The following USP15 variants were observed in gnomAD, a reference collection of about 807,000 sequenced individuals.
USP15 encodes ubiquitin carboxyl-terminal hydrolase 15.
A neutral mutation model predicts 127.1 loss-of-function variants in USP15; 18 were observed. The observed-to-expected ratio is 0.14, with a 90% CI of 0.10 to 0.21. USP15 has a LOEUF of 0.21. Ranked by LOEUF, USP15 falls within the 10% of genes least tolerant of loss-of-function variation. The pLI, the probability that USP15 is intolerant of heterozygous loss-of-function variation, is 1.00. For missense variants in USP15, 805 were observed against 1,159.9 expected (o/e 0.69, Z 4.44); for synonymous variants, 364 against 393.7 (o/e 0.92, Z 0.89).
At chr12:62,340,519 G>A (rs1458519610) in intron 6 of USP15, among the ~76,000 whole-genome samples, 1 of 152,036 alleles carries the variant, frequency 6.6e-6, no homozygotes, top group Non-Finnish European at 1.5e-5. Context: ...TCTGATATGG[G>A]CATTTAGTGC....
rs778401345 is a variant in USP15, at chr12:62,391,002, T to A, written c.1960+23T>A. ...CAAGTAAGACTTTTCTGTTAAATTGTACAAATGTTTCACTTAGATAATTGC... is the reference window on the plus strand; with the variant it reads ...CAAGTAAGACTTTTCTGTTAAATTGAACAAATGTTTCACTTAGATAATTGC... On this transcript the variant is annotated intron_variant, in intron 15 of 21. Transcript: ENST00000280377. 4.4e-6 allele frequency: 7 copies of A among 1,591,686 alleles called. No individual in the cohort carries two copies. The Admixed American group carries it at 1.2e-4, about 28-fold the overall frequency.
intron 1 of USP15, among the ~76,000 whole-genome samples, chr12:62,271,324 G>A (rs2063340970): frequency 6.6e-6 from 1 of 151,948 alleles, no homozygotes; most frequent in Non-Finnish European, 1.5e-5. Context: ...AATATTCATG[G>A]AATGATAAAT....
chr12:62,300,414 T>C (rs1335767376), intron 2 of USP15, among the ~76,000 whole-genome samples: 2 of 152,138 alleles, frequency 1.3e-5, no homozygotes, highest in African/African-American at 4.8e-5. Flanking sequence ...GATAAGCTGA[T>C]CCAAAAATTC....
intron 2 of USP15, among the ~76,000 whole-genome samples, chr12:62,296,664 A>T (rs1043465667): frequency 1.4e-4 from 21 of 152,334 alleles, no homozygotes; most frequent in African/African-American, 5.1e-4. Context: ...CAGACTCTTT[A>T]TGAGAAACCC....
intron 6 of USP15, among the ~76,000 whole-genome samples, chr12:62,344,719 C>T (rs970000174): frequency 1.3e-5 from 2 of 152,168 alleles, no homozygotes; most frequent in African/African-American, 4.8e-5. Context: ...CAGGCGTTTC[C>T]ATACATCCTC....
chr12:62,302,884 C>T lies in USP15; in HGVS notation c.312C>T (p.Tyr104=), dbSNP rs1304660186. Residue 104 remains tyrosine (Y), a synonymous_variant, in exon 3 of 22, where the codon TAC becomes TAT. Transcript: ENST00000280377. ...TEGWNKLVSW[Y]TLMEGQEPIA... ...GTTGGAATAAACTTGTCAGCTGGTA[C>T]ACATTGATGGAAGGTCAAGAGCCAA... 5.0e-6 allele frequency: 8 copies of T among 1,612,580 alleles called. No individual in the cohort carries two copies. Among genetic ancestry groups the T allele is most frequent in the Admixed American group, 3.3e-5 (2 of 59,948 alleles).
At chr12:62,308,258 A>T (rs545859908) in intron 3 of USP15, among the ~76,000 whole-genome samples, 6 of 152,122 alleles carry the variant, frequency 3.9e-5, no homozygotes, top group African/African-American at 1.4e-4. Flanking sequence ...TGTATTTTGT[A>T]TTTTGGGGGA....
intron 9 of USP15, 30 bp downstream of exon 9, chr12:62,381,693 G>T: frequency 5.7e-6 from 9 of 1,590,238 alleles, no homozygotes; most frequent in Non-Finnish European, 7.7e-6. Context: ...TTTAGCAAGG[G>T]TACCTGCAAG....
chr12:62,282,118 A>G (rs917244742), intron 1 of USP15, among the ~76,000 whole-genome samples: 1 of 152,184 alleles, frequency 6.6e-6, no homozygotes, highest in Admixed American at 6.5e-5. Context: ...CCTTGAGCCC[A>G]GGAGCTTGAA....
At chr12:62,323,663 T>G (rs1445911143) in intron 5 of USP15, among the ~76,000 whole-genome samples, 1 of 152,168 alleles carries the variant, frequency 6.6e-6, no homozygotes, top group East Asian at 1.9e-4. Context: ...CCTCTCTCCT[T>G]GGTTTTCATC....
In USP15 at chr12:62,381,492, T is replaced by C; in HGVS notation, c.918T>C (p.Cys306=). The C allele has an allele frequency of 6.3e-7, 1 of 1,596,142 alleles. No individual in the cohort carries two copies. The highest frequency in any genetic ancestry group is 8.5e-7 in the Non-Finnish European group (1 of 1,170,978). The change falls in exon 9 of 22, where the codon TGT becomes TGC. Residue 306 remains cysteine (C), a splice_region_variant and synonymous_variant. Coordinates refer to ENST00000280377, the MANE Select transcript of USP15 (RefSeq NM_001252078.2). Reference sequence around the variant, plus strand: ...AAAATATATTTTATTTTTTGCAGTGTTTGAGCAACACACCTCCACTTACTG... The same window carrying C: ...AAAATATATTTTATTTTTTGCAGTGCTTGAGCAACACACCTCCACTTACTG... ...NTCFMNSAIQ[C]LSNTPPLTEY... is the part of the protein sequence containing the mutation.
At position 62,391,227 on chromosome 12, in the gene USP15, C is replaced by T. The variant is rs1375633348; in HGVS notation, c.2031C>T (p.Asn677=). The T allele has an allele frequency of 6.2e-7, 1 of 1,613,494 alleles. No homozygotes were observed. ...AAGAACTTCCCTCAGAGAATGAAAA[C>T]AGTCAGTCTGAAGATTCAGTTGGAG... ...QDQELPSENE[N]SQSEDSVGGD... Residue 677 remains asparagine, a synonymous_variant, in exon 16 of 22, where the codon AAC becomes AAT. Coordinates refer to ENST00000280377, the MANE Select transcript of USP15 (RefSeq NM_001252078.2).
intron 1 of USP15, among the ~76,000 whole-genome samples, chr12:62,268,555 C>A (rs1235615155): frequency 1.3e-5 from 2 of 152,048 alleles, no homozygotes; most frequent in Admixed American, 6.6e-5. Flanking sequence ...CCATTTCCTG[C>A]AAATTATTTG....
At position 62,408,211 on chromosome 12, in the gene USP15, ATT is replaced by A. The variant is rs1045878796; in HGVS notation, c.*3837_*3838del. On this transcript the variant is annotated 3_prime_UTR_variant, in exon 22 of 22. Transcript: ENST00000280377. ...TCTCTGCCTCCGAGAGGAGGAATAT[ATT>A]AGACTGATAACGTTTAAGTCTGATG... 1 of 152,122 alleles carries A rather than the reference ATT, an allele frequency of 6.6e-6. No homozygotes were observed. Among genetic ancestry groups the A allele is most frequent in the African/African-American group, 2.4e-5 (1 of 41,420 alleles). The allele number at this position is 152,122 out of a possible 1,614,324, so 9.4% of individuals were successfully genotyped here. A position where few individuals can be genotyped will look rare whatever the true frequency, so the allele number is the denominator to read the frequency against.
chr12:62,397,789 G>A lies in USP15; in HGVS notation c.2674+1391G>A, dbSNP rs866935828. Among the ~76,000 whole-genome samples the A allele has an allele frequency of 4.6e-5, 7 of 150,806 alleles. 1 individual carries two copies. The highest frequency in any genetic ancestry group is 4.2e-4 in the South Asian group (2 of 4,788). On this transcript the variant is annotated intron_variant, in intron 20 of 21. Coordinates refer to ENST00000280377, the MANE Select transcript of USP15 (RefSeq NM_001252078.2). ...GGAGAATCACTTGAACCAGGGAGCC[G>A]GAGGTTGCAGAGAGCCCAGATCACA...
chr12:62,311,540 G>A (rs925360968), intron 3 of USP15, among the ~76,000 whole-genome samples: 1 of 151,692 alleles, frequency 6.6e-6, no homozygotes, highest in Non-Finnish European at 1.5e-5. Flanking sequence ...TTCCGGTAAA[G>A]CACTATATAC....
intron 1 of USP15, among the ~76,000 whole-genome samples, chr12:62,283,922 G>A (rs1235889825): frequency 6.6e-6 from 1 of 152,104 alleles, no homozygotes; most frequent in Non-Finnish European, 1.5e-5. Context: ...AGCCTGGGCA[G>A]CAGAGCGAGA....
chr12:62,280,961 G>T (rs1240874013), intron 1 of USP15, among the ~76,000 whole-genome samples: 3 of 152,156 alleles, frequency 2.0e-5, no homozygotes, highest in African/African-American at 7.2e-5. Context: ...GTCCATAAAA[G>T]AAACTCAAAG....
intron 3 of USP15, among the ~76,000 whole-genome samples, chr12:62,306,678 C>G (rs1242568216): frequency 6.6e-6 from 1 of 152,086 alleles, no homozygotes; most frequent in African/African-American, 2.4e-5. Context: ...AAGGATTGTT[C>G]AATAAAACAG....
Sources: allele counts gnomAD v4.1 joint callset (sites outside exome capture counted in the v4.1 genomes callset), GRCh38; gene constraint gnomAD v4.1.1; transcripts MANE v1.5; gene names NCBI Gene and HGNC (gene_info 2026-07-23, HGNC 2026-07-21).